The following EIPR1 variants were observed in gnomAD, a reference collection of about 807,000 sequenced individuals.
The protein encoded by EIPR1 is EARP complex and GARP complex interacting protein 1, also known as EARP and GARP complex-interacting protein 1.
In EIPR1, 25 loss-of-function variants were observed where a neutral mutation model predicts 48.1. The observed-to-expected ratio is 0.52, with a 90% confidence interval of 0.38 to 0.73. EIPR1 has a LOEUF of 0.73. Among genes scored for constraint, EIPR1 ranks in the 30% least tolerant of loss-of-function variants. EIPR1 has a pLI of 0.00. For missense variants in EIPR1, 415 were observed against 506.2 expected, an observed-to-expected ratio of 0.82 and a Z score of 1.73; for synonymous variants, 204 against 201.9, an observed-to-expected ratio of 1.01 and a Z score of -0.09.
chr2:3,237,641 G>A (rs184829312), intron 4 of EIPR1, among the ~76,000 whole-genome samples: 10 of 152,276 alleles, frequency 6.6e-5, no homozygotes, highest in Admixed American at 6.5e-4. Flanking sequence ...TAAGAGGAGA[G>A]CACAGAACGG....
chr2:3,338,046 C>G lies in EIPR1; in HGVS notation c.230G>C (p.Arg77Thr). The change falls in exon 3 of 9, where the codon AGA (arginine) becomes ACA (threonine). Residue 77 changes from arginine to threonine, a missense_variant. Coordinates refer to ENST00000382125, the MANE Select transcript of EIPR1 (RefSeq NM_003310.5). The part of the protein sequence containing the change: ...IWHISASPAD[R>T]GVLTTCYNRT... Reference sequence around the variant, plus strand: ...GTTGTAGCAGGTCGTCAGCACACCTCTGTCTGCAGGGCTAGCGCTAATATG... The same window carrying G: ...GTTGTAGCAGGTCGTCAGCACACCTGTGTCTGCAGGGCTAGCGCTAATATG... The G allele has an allele frequency of 1.9e-6, 3 of 1,609,948 alleles. No individual in the cohort carries two copies. Among genetic ancestry groups the G allele is most frequent in the Non-Finnish European group, 2.5e-6 (3 of 1,179,224 alleles).
chr2:3,203,519 G>A (rs1665119905), intron 5 of EIPR1, among the ~76,000 whole-genome samples: 2 of 152,380 alleles, frequency 1.3e-5, no homozygotes, highest in African/African-American at 2.4e-5. Flanking sequence ...TCGGACAGGA[G>A]AGCCCGCAGT....
chr2:3,202,111 G>A (rs1478905600), intron 5 of EIPR1, among the ~76,000 whole-genome samples: 1 of 151,992 alleles, frequency 6.6e-6, no homozygotes, highest in Non-Finnish European at 1.5e-5. Context: ...CTAATTTTTT[G>A]TATTTTTAGT....
chr2:3,326,238 A>G (rs878887826), intron 3 of EIPR1, among the ~76,000 whole-genome samples: 1 of 152,194 alleles, frequency 6.6e-6, no homozygotes, highest in Non-Finnish European at 1.5e-5. Flanking sequence ...CAGCAGCCTC[A>G]TGTTTTCTCA....
At chr2:3,278,428 C>G (rs1381529592) in intron 3 of EIPR1, among the ~76,000 whole-genome samples, 1 of 152,198 alleles carries the variant, frequency 6.6e-6, no homozygotes, top group Non-Finnish European at 1.5e-5. Flanking sequence ...AGCCAGCCCT[C>G]TGAGAGAGTA....
At chr2:3,323,220 GAAATTAA>G (rs1356419469) in intron 3 of EIPR1, among the ~76,000 whole-genome samples, 1 of 152,072 alleles carries the variant, frequency 6.6e-6, no homozygotes, top group Non-Finnish European at 1.5e-5. Context: ...CAGAAGACCA[GAAATTAA>G]AGGTTTTAGG....
intron 4 of EIPR1, among the ~76,000 whole-genome samples, chr2:3,218,442 C>G (rs572048746): frequency 7.0e-6 from 1 of 142,720 alleles, no homozygotes; most frequent in African/African-American, 2.6e-5. Context: ...ACACCCAACA[C>G]GGCCCCGATA....
chr2:3,193,485 G>A (rs776863435), intron 7 of EIPR1, among the ~76,000 whole-genome samples: 1 of 152,172 alleles, frequency 6.6e-6, no homozygotes, highest in Non-Finnish European at 1.5e-5. Context: ...ACATGCCATT[G>A]TACAACTTGA....
chr2:3,252,591 C>CAAAACA (rs1201480957), intron 4 of EIPR1, among the ~76,000 whole-genome samples: 1 of 152,000 alleles, frequency 6.6e-6, no homozygotes, highest in Non-Finnish European at 1.5e-5. Context: ...ATTCCATCTC[C>CAAAACA]AAAACAAAAA....
At chr2:3,243,203 A>C (rs2602757) in intron 4 of EIPR1, among the ~76,000 whole-genome samples, 41,458 of 152,284 alleles carry the variant, frequency 0.27, 6,803 homozygotes, top group Non-Finnish European at 0.38. Context: ...TACGGGCTGC[A>C]CATGAGGGGA....
At chr2:3,278,622 G>A (rs868319733) in intron 3 of EIPR1, among the ~76,000 whole-genome samples, 14 of 152,142 alleles carry the variant, frequency 9.2e-5, no homozygotes, top group African/African-American at 3.4e-4. Flanking sequence ...TGCTCTACCG[G>A]AGGCTCCACT....
chr2:3,356,481 C>G (rs561052089), intron 1 of EIPR1, among the ~76,000 whole-genome samples: 1 of 152,328 alleles, frequency 6.6e-6, no homozygotes, highest in East Asian at 1.9e-4. Context: ...AGAGCTGTGA[C>G]TAGCACTGCA....
At chr2:3,324,989 G>A (rs1008752772) in intron 3 of EIPR1, among the ~76,000 whole-genome samples, 2 of 152,222 alleles carry the variant, frequency 1.3e-5, no homozygotes, top group Non-Finnish European at 2.9e-5. Flanking sequence ...GCCAAAGAAC[G>A]GCCTCCAGGG....
intron 3 of EIPR1, among the ~76,000 whole-genome samples, chr2:3,292,789 G>T (rs1377404647): frequency 6.6e-6 from 1 of 150,606 alleles, no homozygotes; most frequent in Non-Finnish European, 1.5e-5. Flanking sequence ...AAATAATGTT[G>T]ATTTCTTTAT....
At chr2:3,229,913 G>A (rs1410393223) in intron 4 of EIPR1, among the ~76,000 whole-genome samples, 6 of 152,162 alleles carry the variant, frequency 3.9e-5, no homozygotes. Context: ...CTGTGCTATA[G>A]ATAAATACAA....
intron 8 of EIPR1, among the ~76,000 whole-genome samples, chr2:3,191,825 A>T (rs937009089): frequency 5.3e-5 from 8 of 152,046 alleles, no homozygotes; most frequent in Non-Finnish European, 8.8e-5. Context: ...GTGCATAGGA[A>T]AAAGCTTTGG....
At chr2:3,213,278 TAAAC>T (rs967453382) in intron 5 of EIPR1, among the ~76,000 whole-genome samples, 2 of 152,188 alleles carry the variant, frequency 1.3e-5, no homozygotes, top group Non-Finnish European at 2.9e-5. Flanking sequence ...TACTTTAACA[TAAAC>T]AAACGCAATG....
intron 2 of EIPR1, among the ~76,000 whole-genome samples, chr2:3,341,081 G>C (rs1670225101): frequency 9.0e-6 from 1 of 110,584 alleles, no homozygotes; most frequent in Admixed American, 1.1e-4. Context: ...GGGTGACAGA[G>C]TGAGATCCTG....
chr2:3,203,923 T>A (rs1371129452), intron 5 of EIPR1, among the ~76,000 whole-genome samples: 4 of 152,184 alleles, frequency 2.6e-5, no homozygotes, highest in Non-Finnish European at 5.9e-5. Flanking sequence ...CCAGCCCCAC[T>A]GACCCTGAGA....
Sources: allele counts gnomAD v4.1 joint callset (sites outside exome capture counted in the v4.1 genomes callset), GRCh38; gene constraint gnomAD v4.1.1; transcripts MANE v1.5; gene names NCBI Gene and HGNC (gene_info 2026-07-23, HGNC 2026-07-21).